Variants in PCDHGB2 observed in about 807,000 individuals in gnomAD.
The protein encoded by PCDHGB2 is protocadherin gamma-B2.
A neutral mutation model predicts 59.3 loss-of-function variants in PCDHGB2; 55 were observed. The ratio of observed to expected loss-of-function variants is 0.93; its 90% CI spans 0.75 to 1.16. PCDHGB2 has a LOEUF of 1.16. Among genes scored for constraint, PCDHGB2 ranks in the 50% most tolerant of loss-of-function variants. PCDHGB2 has a pLI of 0.00. For synonymous variants in PCDHGB2, 516 were observed against 512.0 expected (o/e 1.01, Z -0.11); for missense variants, 1,228 against 1,198.5 (o/e 1.02, Z -0.36).
In PCDHGB2 at chr5:141,491,961, G is replaced by A. The variant is rs891299192; in HGVS notation, c.2422-2846G>A. 3 of 970,010 alleles carry A rather than the reference G, an allele frequency of 3.1e-6. No individual in the cohort carries two copies. The highest frequency in any genetic ancestry group is 4.3e-6 in the Non-Finnish European group (3 of 693,098). 60.1% of individuals were successfully genotyped at this position (970,010 alleles called of 1,614,324 possible). On this transcript the variant is annotated intron_variant, in intron 1 of 3. Transcript: ENST00000522605. This position sits in a 1 kb window ranked among gnomAD's most constrained non-coding sequence, Gnocchi z 6.9. ...GACCCCCACCCCTACACTCAAAAAAGGCCGGGGCCTCCTTCGAGCTTCCGG... is the reference window on the plus strand; with the variant it reads ...GACCCCCACCCCTACACTCAAAAAAAGCCGGGGCCTCCTTCGAGCTTCCGG...
At chr5:141,365,639 C>T (rs1764033148) in intron 1 of PCDHGB2, 2 of 1,613,492 alleles carry the variant, frequency 1.2e-6, no homozygotes, top group Admixed American at 3.3e-5. Context: ...TACAGAAAGC[C>T]ACATCCCCTT....
intron 1 of PCDHGB2, chr5:141,427,552 C>T (rs1233231671): frequency 1.5e-6 from 1 of 645,244 alleles, no homozygotes; most frequent in South Asian, 1.5e-5. Context: ...ATCACTGCCA[C>T]TGACAAGGGC....
chr5:141,414,785 C>A, intron 1 of PCDHGB2: 1 of 1,614,232 alleles, frequency 6.2e-7, no homozygotes, highest in Non-Finnish European at 8.5e-7. Context: ...ATGCAGGTGA[C>A]AGCCAGCGAC....
chr5:141,389,112 C>T (rs376966829), intron 1 of PCDHGB2: 22 of 1,613,964 alleles, frequency 1.4e-5, no homozygotes, highest in Non-Finnish European at 1.9e-5. Context: ...TGTTCTAGAC[C>T]GCGAGCAGAA....
Position 141,436,047 on chromosome 5 carries a change from T to G in PCDHGB2, c.2422-58760T>G, listed in dbSNP as rs141900903. On this transcript the variant is annotated intron_variant, in intron 1 of 3. Transcript: ENST00000522605. ...ATACTAAATTTGTATTTACATTAGT[T>G]TTCAAATAGAATTTAATAAGTACAG... is the stretch of plus-strand genomic sequence containing the variant. Among the ~76,000 whole-genome samples the G allele has an allele frequency of 1.0e-2, 1,517 of 152,280 alleles. 31 individuals carry two copies. The highest frequency in any genetic ancestry group is 0.034 in the African/African-American group (1,420 of 41,552).
chr5:141,500,269 C>T (rs977958449), intron 2 of PCDHGB2, among the ~76,000 whole-genome samples: 1 of 151,504 alleles, frequency 6.6e-6, no homozygotes, highest in African/African-American at 2.4e-5. Context: ...ACTGCAGTGG[C>T]GCAATCTCGG....
At position 141,381,826 on chromosome 5, in the gene PCDHGB2, CTTTTTTTT is replaced by C. The variant is rs770630741; in HGVS notation, c.2421+19285_2421+19292del. Among the ~76,000 whole-genome samples the C allele has an allele frequency of 3.5e-4, 26 of 74,290 alleles. 1 individual carries two copies. Among genetic ancestry groups the C allele is most frequent in the Admixed American group, 9.7e-4 (5 of 5,178 alleles). 48.7% of individuals were successfully genotyped at this position (74,290 alleles called of 152,430 possible). On this transcript the variant is annotated intron_variant, in intron 1 of 3. Transcript: ENST00000522605. Reference sequence around the variant, plus strand: ...TTTCTTTCTTTCTTTCTTTCTTCTTCTTTTTTTTTTTTTTTTTTTTTTGGCAGAGTTTT... The same window carrying C: ...TTTCTTTCTTTCTTTCTTTCTTCTTCTTTTTTTTTTTTTTGGCAGAGTTTT...
At chr5:141,392,063 A>G (rs2092459837) in intron 1 of PCDHGB2, 1 of 152,218 alleles carries the variant, frequency 6.6e-6, no homozygotes, top group African/African-American at 2.4e-5. Context: ...TATTATCGAC[A>G]TGTAATTCAA....
intron 1 of PCDHGB2, chr5:141,478,139 G>A: frequency 6.2e-7 from 1 of 1,614,040 alleles, no homozygotes; most frequent in Non-Finnish European, 8.5e-7. Context: ...TGAAGCCCGA[G>A]CCGAGTTCCC....
rs762738990 is a variant in PCDHGB2, at chr5:141,404,672, G to C, written c.2421+42116G>C. 8.0e-5 allele frequency: 129 copies of C among 1,614,038 alleles called. 1 individual carries two copies. The South Asian group carries it at 1.4e-3, about 18-fold the overall frequency. ...TGCCCTCCCCACTGATGGTTCTACT[G>C]GTGTGGAGCTGGCACCCCGCTCTGC... On this transcript the variant is annotated intron_variant, in intron 1 of 3. Coordinates refer to ENST00000522605, the MANE Select transcript of PCDHGB2 (RefSeq NM_018923.3).
chr5:141,463,041 G>C (rs1383781857), intron 1 of PCDHGB2, among the ~76,000 whole-genome samples: 1 of 152,114 alleles, frequency 6.6e-6, no homozygotes, highest in African/African-American at 2.4e-5. Flanking sequence ...TGAGTGTTCA[G>C]CAGGGTCTCT....
intron 1 of PCDHGB2, chr5:141,427,531 A>C: frequency 1.6e-6 from 1 of 620,632 alleles, no homozygotes. Flanking sequence ...ATCCCGGAGT[A>C]CAACGTCACC....
intron 1 of PCDHGB2, among the ~76,000 whole-genome samples, chr5:141,455,246 G>A (rs2098817522): frequency 6.6e-6 from 1 of 151,962 alleles, no homozygotes; most frequent in Non-Finnish European, 1.5e-5. Context: ...AAAGGTCATA[G>A]TACAATCGCA....
intron 1 of PCDHGB2, chr5:141,397,922 G>A: frequency 1.4e-6 from 1 of 731,582 alleles, no homozygotes; most frequent in Non-Finnish European, 2.2e-6. Flanking sequence ...AGATCTCCTC[G>A]CGCAGCCGCA....
intron 1 of PCDHGB2, chr5:141,398,344 C>G (rs901692894): frequency 7.3e-7 from 1 of 1,372,066 alleles, no homozygotes; most frequent in African/African-American, 1.5e-5. Context: ...TTCGGAGAAG[C>G]CTTACTTCAC....
chr5:141,389,784 G>A (rs1380763543), intron 1 of PCDHGB2: 5 of 1,613,318 alleles, frequency 3.1e-6, no homozygotes, highest in Non-Finnish European at 4.2e-6. Flanking sequence ...AGGCGACAGG[G>A]ACGCCGTCCG....
At chr5:141,396,546 G>A (rs2093396215) in intron 1 of PCDHGB2, 1 of 152,118 alleles carries the variant, frequency 6.6e-6, no homozygotes, top group Non-Finnish European at 1.5e-5. Context: ...CTTGAACCCG[G>A]GAGGTGGAGG....
In PCDHGB2 at chr5:141,493,755, A is replaced by C. The variant is rs1364524112; in HGVS notation, c.2422-1052A>C. Among the ~76,000 whole-genome samples, 1 of 152,148 alleles carries C rather than the reference A, an allele frequency of 6.6e-6. No homozygotes were observed. The highest frequency in any genetic ancestry group is 2.4e-5 in the African/African-American group (1 of 41,440). On this transcript the variant is annotated intron_variant, in intron 1 of 3. Coordinates refer to ENST00000522605, the MANE Select transcript of PCDHGB2 (RefSeq NM_018923.3). The surrounding 1 kb of genome is among the most constrained non-coding windows in gnomAD (Gnocchi z 4.3). ...ATATCACTGCCACCTGTGAGCCTTG[A>C]GTGAGCCACTGGCAGTTCCGGAGCT...
intron 1 of PCDHGB2, chr5:141,403,999 T>C (rs1399272947): frequency 3.1e-6 from 5 of 1,613,898 alleles, no homozygotes; most frequent in Non-Finnish European, 4.2e-6. Context: ...AAGTGACCAT[T>C]ACATCTCTGT....
Sources: gnomAD v4.1 joint callset for allele counts (sites outside exome capture counted in the v4.1 genomes callset) on GRCh38, gnomAD v4.1.1 for gene constraint, Gnocchi (gnomAD v3.1) non-coding constraint, MANE v1.5 for transcripts, NCBI Gene and HGNC (gene_info 2026-07-23, HGNC 2026-07-21) for gene names.